Variants in DIS3L2 observed in about 807,000 individuals in gnomAD.
DIS3L2 encodes DIS3-like exonuclease 2.
Under a neutral mutation model 97.5 loss-of-function variants are expected in DIS3L2, and 34 were observed. That is an observed-to-expected ratio of 0.35 (90% CI 0.27 to 0.46). DIS3L2 has a LOEUF of 0.46. Ranked by LOEUF, DIS3L2 falls within the 20% of genes least tolerant of loss-of-function variation. The pLI is 1.00. For missense variants in DIS3L2, 1,038 were observed against 1,146.0 expected, an observed-to-expected ratio of 0.91 and a Z score of 1.36; for synonymous variants, 435 against 445.2, an observed-to-expected ratio of 0.98 and a Z score of 0.29.
intron 5 of DIS3L2, among the ~76,000 whole-genome samples, chr2:232,044,736 A>T (rs1384090746): frequency 2.6e-5 from 4 of 152,128 alleles, no homozygotes; most frequent in Non-Finnish European, 5.9e-5. Context: ...CCTGAGGAAT[A>T]CCAAAACTTA....
intron 9 of DIS3L2, among the ~76,000 whole-genome samples, chr2:232,182,642 A>G (rs189086722): frequency 6.6e-6 from 1 of 152,086 alleles, no homozygotes; most frequent in East Asian, 1.9e-4. Context: ...TTCTAGATGG[A>G]TTGAGCCTAT....
intron 1 of DIS3L2, among the ~76,000 whole-genome samples, chr2:231,981,888 G>C (rs1693274317): frequency 6.6e-6 from 1 of 151,270 alleles, no homozygotes; most frequent in Admixed American, 6.6e-5. Context: ...ACAAAAATTA[G>C]CTGGGCATCA....
chr2:232,147,656 G>A (rs992319610), intron 8 of DIS3L2, among the ~76,000 whole-genome samples: 5 of 152,124 alleles, frequency 3.3e-5, no homozygotes, highest in Non-Finnish European at 7.3e-5. Context: ...TATCTTTTCA[G>A]ACAGTAAGCA....
intron 5 of DIS3L2, among the ~76,000 whole-genome samples, chr2:232,063,476 AT>A: frequency 6.6e-6 from 1 of 152,070 alleles, no homozygotes; most frequent in Middle Eastern, 3.4e-3. Context: ...TCCTTAGTGG[AT>A]TTTTTGTTTT....
chr2:232,192,957 A>C (rs1185053324), intron 9 of DIS3L2, among the ~76,000 whole-genome samples: 1 of 152,168 alleles, frequency 6.6e-6, no homozygotes, highest in African/African-American at 2.4e-5. Context: ...CCTACTTCAC[A>C]CACTGGCTTC....
chr2:232,099,143 A>G (rs1360997522), intron 6 of DIS3L2, among the ~76,000 whole-genome samples: 1 of 151,816 alleles, frequency 6.6e-6, no homozygotes, highest in African/African-American at 2.4e-5. Flanking sequence ...TATAAATTCT[A>G]CTTAATCCTG....
At chr2:232,014,796 T>G (rs1162185329) in intron 1 of DIS3L2, 39 bp from the exon 2 acceptor site, 2 of 937,920 alleles carry the variant, frequency 2.1e-6, no homozygotes, top group Non-Finnish European at 3.1e-6. Flanking sequence ...AGGCTACAGC[T>G]TAACCGCTCT....
intron 10 of DIS3L2, among the ~76,000 whole-genome samples, chr2:232,216,586 A>T (rs570296129): frequency 6.2e-5 from 9 of 145,130 alleles, no homozygotes; most frequent in African/African-American, 2.3e-4. Context: ...CCACCTTTCC[A>T]TTTTTTTTTT....
intron 9 of DIS3L2, among the ~76,000 whole-genome samples, chr2:232,187,909 G>C (rs1691491693): frequency 6.6e-6 from 1 of 152,138 alleles, no homozygotes; most frequent in South Asian, 2.1e-4. Context: ...GGCTGAGGCA[G>C]GCGGATCACT....
exon 14 of DIS3L2, chr2:232,343,618 G>T: frequency 6.4e-7 from 1 of 1,561,024 alleles, no homozygotes; most frequent in South Asian, 1.2e-5. Flanking sequence ...GAAAGATTAT[G>T]GAAAGAAAGT....
intron 9 of DIS3L2, among the ~76,000 whole-genome samples, chr2:232,181,172 G>A (rs1691252355): frequency 6.8e-6 from 1 of 147,108 alleles, no homozygotes; most frequent in African/African-American, 2.5e-5. Flanking sequence ...GGTTTCTGCC[G>A]AGAGATCCGC....
downstream of DIS3L2, among the ~76,000 whole-genome samples, chr2:232,339,182 G>T (rs1696055090): frequency 1.3e-5 from 2 of 152,356 alleles, no homozygotes; most frequent in South Asian, 4.1e-4. Flanking sequence ...TGTTAGGAAG[G>T]ACCTCAGGAA....
chr2:232,016,959 C>T (rs1028334245), intron 3 of DIS3L2, among the ~76,000 whole-genome samples: 4 of 138,766 alleles, frequency 2.9e-5, no homozygotes, highest in African/African-American at 1.0e-4. Context: ...CCTTCCTTCA[C>T]CTTTCTTTAC....
chr2:232,255,838 G>C (rs772913400), intron 12 of DIS3L2, among the ~76,000 whole-genome samples: 1 of 152,140 alleles, frequency 6.6e-6, no homozygotes, highest in Non-Finnish European at 1.5e-5. Context: ...CAAAAACCAC[G>C]GGGTCATTCT....
intron 1 of DIS3L2, among the ~76,000 whole-genome samples, chr2:231,974,501 A>T (rs1574777386): frequency 7.0e-6 from 1 of 142,176 alleles, no homozygotes; most frequent in African/African-American, 2.6e-5. Flanking sequence ...TTTTCATCTC[A>T]GTTGACATGG....
chr2:232,132,887 C>T (rs1698259573), intron 7 of DIS3L2, among the ~76,000 whole-genome samples: 2 of 152,132 alleles, frequency 1.3e-5, no homozygotes, highest in Admixed American at 1.3e-4. Flanking sequence ...CATTCAGAGA[C>T]ACTGGACATC....
chr2:232,209,256 A>G (rs1483608871), intron 9 of DIS3L2, among the ~76,000 whole-genome samples: 1 of 152,080 alleles, frequency 6.6e-6, no homozygotes, highest in African/African-American at 2.4e-5. Flanking sequence ...CCAGCATTAG[A>G]GCAGCTTGGC....
At chr2:232,253,788 C>T (rs1027567586) in intron 12 of DIS3L2, among the ~76,000 whole-genome samples, 2 of 151,982 alleles carry the variant, frequency 1.3e-5, no homozygotes, top group African/African-American at 4.8e-5. Context: ...AGTTAATATC[C>T]AAATACTCTT....
chr2:231,969,332 T>C (rs1471211463), intron 1 of DIS3L2, among the ~76,000 whole-genome samples: 2 of 147,828 alleles, frequency 1.4e-5, no homozygotes, highest in Non-Finnish European at 3.0e-5. Context: ...TTTTTTTGAG[T>C]TGGAGTCTCG....
Sources: gnomAD v4.1 joint callset for allele counts (sites outside exome capture counted in the v4.1 genomes callset) on GRCh38, gnomAD v4.1.1 for gene constraint, MANE v1.5 for transcripts, NCBI Gene and HGNC (gene_info 2026-07-23, HGNC 2026-07-21) for gene names.